Variants in ACSS3 observed in about 807,000 individuals in gnomAD.
The protein encoded by ACSS3 is acyl-CoA synthetase short-chain family member 3, mitochondrial.
ACSS3 carries 64 observed loss-of-function variants against 84.2 expected under a neutral mutation model. That is an observed-to-expected ratio of 0.76 (90% CI 0.62 to 0.94). The LOEUF is 0.94. Among genes scored for constraint, ACSS3 ranks in the 40% least tolerant of loss-of-function variants. ACSS3 has a pLI of 0.00. For missense variants in ACSS3, 815 were observed against 867.6 expected (o/e 0.94, Z 0.76); for synonymous variants, 317 against 310.1 (o/e 1.02, Z -0.23).
chr12:81,224,573 CATGTGTGT>C (rs1490771814), intron 11 of ACSS3, among the ~76,000 whole-genome samples: 8 of 135,306 alleles, frequency 5.9e-5, no homozygotes, highest in Admixed American at 1.4e-4. Flanking sequence ...CACACACACA[CATGTGTGT>C]GTGTGTGTGT....
intron 5 of ACSS3, among the ~76,000 whole-genome samples, chr12:81,148,801 C>A (rs1245064740): frequency 6.6e-6 from 1 of 150,754 alleles, no homozygotes; most frequent in African/African-American, 2.4e-5. Flanking sequence ...GTGCATCATG[C>A]CTGTAATCCC....
intron 4 of ACSS3, among the ~76,000 whole-genome samples, chr12:81,139,658 A>G (rs1885991099): frequency 6.8e-6 from 1 of 146,358 alleles, no homozygotes; most frequent in Non-Finnish European, 1.5e-5. Flanking sequence ...TTTTTTTGAG[A>G]CAGAGTCTCA....
intron 13 of ACSS3, among the ~76,000 whole-genome samples, chr12:81,247,825 T>C (rs574878632): frequency 5.4e-4 from 82 of 152,072 alleles, no homozygotes; most frequent in Non-Finnish European, 1.1e-3. Context: ...AACCTTACTA[T>C]TTAACTACTT....
intron 2 of ACSS3, among the ~76,000 whole-genome samples, chr12:81,129,844 C>T (rs1300416931): frequency 7.1e-6 from 1 of 140,624 alleles, no homozygotes; most frequent in East Asian, 2.2e-4. Context: ...TCTCATTGTT[C>T]AATTCCCACC....
intron 9 of ACSS3, among the ~76,000 whole-genome samples, chr12:81,206,477 A>G (rs970683780): frequency 6.6e-6 from 1 of 152,072 alleles, no homozygotes; most frequent in African/African-American, 2.4e-5. Context: ...TCAGAAATAC[A>G]TTTATTTTTT....
intron 13 of ACSS3, among the ~76,000 whole-genome samples, chr12:81,251,041 C>G (rs1408437877): frequency 6.6e-6 from 1 of 152,152 alleles, no homozygotes; most frequent in Non-Finnish European, 1.5e-5. Flanking sequence ...GTCACCCACT[C>G]TCAACAATTC....
intron 12 of ACSS3, among the ~76,000 whole-genome samples, chr12:81,232,338 C>G (rs185975988): frequency 6.6e-6 from 1 of 151,748 alleles, no homozygotes; most frequent in Admixed American, 6.6e-5. Context: ...TGTACTCTGT[C>G]TTTTTACCTG....
chr12:81,079,197 A>T (rs1000873484), intron 1 of ACSS3, among the ~76,000 whole-genome samples: 1 of 152,228 alleles, frequency 6.6e-6, no homozygotes, highest in Admixed American at 6.5e-5. Flanking sequence ...AGTTGGAATT[A>T]TAAGAAGTTA....
Position 81,134,274 on chromosome 12 carries a change from T to A in ACSS3, c.457-542T>A, listed in dbSNP as rs555679655. On this transcript the variant is annotated intron_variant, in intron 2 of 15. Transcript: ENST00000548058. ...TTTATTAGCTCTGAACCTTATTACC[T>A]TATCTTTAGATGTAAATAATAATAT... Among the ~76,000 whole-genome samples, 210 of 152,316 alleles carry A rather than the reference T, an allele frequency of 1.4e-3. 1 individual carries two copies. The highest frequency in any genetic ancestry group is 4.0e-3 in the Admixed American group (61 of 15,276).
chr12:81,238,981 T>A (rs1165331049), intron 13 of ACSS3, among the ~76,000 whole-genome samples: 1 of 151,884 alleles, frequency 6.6e-6, no homozygotes, highest in Non-Finnish European at 1.5e-5. Flanking sequence ...TCTTTTCTAA[T>A]ATGTGAATTC....
In ACSS3 at chr12:81,164,966, TA is replaced by T. The variant is rs1267161523; in HGVS notation, c.1099-9815del. ...CCTTCATGTAATGGGAAATAACATT[TA>T]AAAAAATCTAGTATATAGCAATCTG... On this transcript the variant is annotated intron_variant, in intron 7 of 15. Coordinates refer to ENST00000548058, the MANE Select transcript of ACSS3 (RefSeq NM_024560.4). 2.6e-5 allele frequency among the ~76,000 whole-genome samples: 4 copies of T among 152,208 alleles called. No homozygotes were observed. The East Asian group carries it at 7.7e-4, about 29-fold the overall frequency.
At chr12:81,210,291 A>G (rs2032539116) in intron 9 of ACSS3, among the ~76,000 whole-genome samples, 1 of 152,112 alleles carries the variant, frequency 6.6e-6, no homozygotes, top group African/African-American at 2.4e-5. Flanking sequence ...ATTCCTGCCT[A>G]TTAGGGTCTC....
intron 8 of ACSS3, among the ~76,000 whole-genome samples, chr12:81,176,338 G>C (rs2030474846): frequency 6.6e-6 from 1 of 152,160 alleles, no homozygotes; most frequent in Admixed American, 6.5e-5. Context: ...CAGCACACTG[G>C]AAGGCCGAGG....
chr12:81,259,573 C>T lies in ACSS3; in HGVS notation c.*4651C>T. ...TAATAAGTCATGACGTCATTATTTC[C>T]TTAGAATTCAGTTTTCACAAAGGTT... On this transcript the variant is annotated 3_prime_UTR_variant, in exon 16 of 16. Transcript: ENST00000548058. The T allele has an allele frequency of 6.8e-7, 1 of 1,461,978 alleles. No homozygotes were observed. 90.6% of individuals were successfully genotyped at this position (1,461,978 alleles called of 1,614,324 possible). A position where few individuals can be genotyped will look rare whatever the true frequency, so the allele number is the denominator to read the frequency against.
chr12:81,196,150 G>C (rs1004655202), intron 8 of ACSS3, among the ~76,000 whole-genome samples: 1 of 152,102 alleles, frequency 6.6e-6, no homozygotes, highest in Admixed American at 6.6e-5. Flanking sequence ...AATGATTTGA[G>C]CAGGAATTGA....
chr12:81,253,263 T>G, intron 13 of ACSS3, 44 bp from the exon 14 acceptor site: 1 of 1,531,800 alleles, frequency 6.5e-7, no homozygotes, highest in Non-Finnish European at 9.0e-7. Flanking sequence ...TATACATATA[T>G]GGTAAATAAA....
intron 8 of ACSS3, among the ~76,000 whole-genome samples, chr12:81,183,159 C>T (rs975107493): frequency 3.3e-5 from 5 of 152,216 alleles, no homozygotes; most frequent in African/African-American, 7.2e-5. Context: ...CACTTTTCCC[C>T]GTGTTAGCAC....
chr12:81,253,280 C>G (rs201993701), intron 13 of ACSS3, 27 bp from the exon 14 acceptor site: 6 of 1,585,324 alleles, frequency 3.8e-6, no homozygotes, highest in Non-Finnish European at 5.2e-6. Context: ...TAAATGTATT[C>G]TAAATGAATG....
chr12:81,256,103 A>G lies in ACSS3; in HGVS notation c.*1181A>G, dbSNP rs561086071. ...GATTTTGAAGTGAACTTAAGCCACTAGGTTTGAGGGACAAAGGACAGTAGA... is the reference window on the plus strand; with the variant it reads ...GATTTTGAAGTGAACTTAAGCCACTGGGTTTGAGGGACAAAGGACAGTAGA... On this transcript the variant is annotated 3_prime_UTR_variant, in exon 16 of 16. Coordinates refer to ENST00000548058, the MANE Select transcript of ACSS3 (RefSeq NM_024560.4). 1 of 152,306 alleles carries G rather than the reference A, an allele frequency of 6.6e-6. No individual in the cohort carries two copies. The highest frequency in any genetic ancestry group is 6.5e-5 in the Admixed American group (1 of 15,290). 9.4% of individuals were successfully genotyped at this position (152,306 alleles called of 1,614,324 possible).
Sources: allele counts gnomAD v4.1 joint callset (sites outside exome capture counted in the v4.1 genomes callset), GRCh38; gene constraint gnomAD v4.1.1; transcripts MANE v1.5; gene names NCBI Gene and HGNC (gene_info 2026-07-23, HGNC 2026-07-21).